Variants in MTMR6 observed in about 807,000 individuals in gnomAD.
MTMR6 encodes the protein phosphatidylinositol-3,5-bisphosphate 3-phosphatase MTMR6.
MTMR6 carries 47 observed loss-of-function variants against 80.1 expected under a neutral mutation model. That is an observed-to-expected ratio of 0.59 (90% confidence interval 0.46 to 0.75). The LOEUF is 0.75. Among genes scored for constraint, MTMR6 ranks in the 30% least tolerant of loss-of-function variants. The probability of loss-of-function intolerance (pLI) is 0.00; values close to 1 mark genes in which losing one functional copy is unlikely to be tolerated. For synonymous variants in MTMR6, 254 were observed against 253.0 expected (o/e 1.00, Z -0.04); for missense variants, 629 against 730.9 (o/e 0.86, Z 1.61).
chr13:25,251,888 T>C lies in MTMR6; in HGVS notation c.1443A>G (p.Thr481=), dbSNP rs187816844. The change falls in exon 12 of 14, where the codon ACA becomes ACG. Residue 481 remains threonine, a synonymous_variant. Transcript: ENST00000381801. The surrounding 1 kb of genome is among the most constrained non-coding windows in gnomAD (Gnocchi z 4.1). ...PLYSSESHRF[T]VLEPNTVSFN... ...AAGATACTGTATTTGGCTCCAAAAC[T>C]GTAAATCTGTGAGATTCGGAACTGT... The C allele has an allele frequency of 5.6e-4, 899 of 1,607,614 alleles. 1 individual carries two copies. Among genetic ancestry groups the C allele is most frequent in the Non-Finnish European group, 5.3e-4 (629 of 1,178,314 alleles).
At chr13:25,275,898 G>A (rs1593155995) in intron 1 of MTMR6, among the ~76,000 whole-genome samples, 1 of 127,100 alleles carries the variant, frequency 7.9e-6, no homozygotes, top group Non-Finnish European at 1.7e-5. Context: ...GAGGGGAGAG[G>A]AGGGGAGGGG....
chr13:25,254,182 A>ATT (rs1439776276), intron 10 of MTMR6, among the ~76,000 whole-genome samples: 10 of 152,338 alleles, frequency 6.6e-5, no homozygotes, highest in Middle Eastern at 3.4e-3. Context: ...GAAGGTAATA[A>ATT]ATAGTCATGA....
In MTMR6 at chr13:25,249,329, G is replaced by C; in HGVS notation, c.1769C>G (p.Pro590Arg). Residue 590 changes from proline (P) to arginine (R), a missense_variant, in exon 14 of 14, where the codon CCG (proline) becomes CGG (arginine). Pro to Arg is a moderately radical substitution (Grantham distance 103). Coordinates refer to ENST00000381801, the MANE Select transcript of MTMR6 (RefSeq NM_004685.5). Reference sequence around the variant, plus strand: ...ATATTCACTATAACGATTATCTGCCGGGCTGCTGCCCTCTATAGTTCGAAG... The same window carrying C: ...ATATTCACTATAACGATTATCTGCCCGGCTGCTGCCCTCTATAGTTCGAAG... ...DALRTIEGSS[P>R]ADNRYSEYAE... 1 of 1,614,034 alleles carries C rather than the reference G, an allele frequency of 6.2e-7. No individual in the cohort carries two copies. Among genetic ancestry groups the C allele is most frequent in the Non-Finnish European group, 8.5e-7 (1 of 1,179,954 alleles).
rs549981582 is a variant in MTMR6 at position 25,267,959 on chromosome 13, A to G, written c.142-18T>C. 6.4e-7 allele frequency: 1 copy of G among 1,562,552 alleles called. No individual in the cohort carries two copies. The highest frequency in any genetic ancestry group is 2.3e-5 in the East Asian group (1 of 43,696). On this transcript the variant is annotated intron_variant, in intron 2 of 13. Transcript: ENST00000381801. ...TGTAATATCTACAGCATGAAAAAACATCCAGGTCATCAACATGGAAAGCAC... is the reference window on the plus strand; with the variant it reads ...TGTAATATCTACAGCATGAAAAAACGTCCAGGTCATCAACATGGAAAGCAC...
chr13:25,246,771 TAA>T lies in MTMR6; in HGVS notation c.*2459_*2460del, dbSNP rs1357321631. 2.0e-5 allele frequency: 3 copies of T among 152,694 alleles called. No individual in the cohort carries two copies. The East Asian group carries it at 5.8e-4, about 29-fold the overall frequency. The allele number at this position is 152,694 out of a possible 1,614,324, so 9.5% of individuals were successfully genotyped here. A position where few individuals can be genotyped will look rare whatever the true frequency, so the allele number is the denominator to read the frequency against. ...CCGACCAAATAAATTGAATTTGTTTTAAAAGAGTTCCCTTCATCTTTACTCAA... is the reference window on the plus strand; with the variant it reads ...CCGACCAAATAAATTGAATTTGTTTTAAGAGTTCCCTTCATCTTTACTCAA... On this transcript the variant is annotated 3_prime_UTR_variant, in exon 14 of 14. Transcript: ENST00000381801.
intron 5 of MTMR6, among the ~76,000 whole-genome samples, chr13:25,262,957 A>G (rs1957372493): frequency 6.6e-6 from 1 of 152,206 alleles, no homozygotes; most frequent in Non-Finnish European, 1.5e-5. Flanking sequence ...ATAACCATTT[A>G]ACCTCTCTGT....
chr13:25,255,912 T>C (rs1957197333), intron 9 of MTMR6, among the ~76,000 whole-genome samples: 1 of 152,212 alleles, frequency 6.6e-6, no homozygotes, highest in African/African-American at 2.4e-5. Context: ...TAAAAACTTT[T>C]GTCTCATAAG....
At chr13:25,273,768 A>C (rs1339174153) in intron 2 of MTMR6, among the ~76,000 whole-genome samples, 1 of 151,928 alleles carries the variant, frequency 6.6e-6, no homozygotes, top group African/African-American at 2.4e-5. Flanking sequence ...CTCGTGATCC[A>C]CCCACCTCGG....
rs1249649403 is a variant in MTMR6 at position 25,248,339 on chromosome 13, T to G, written c.*893A>C. 3 of 152,264 alleles carry G rather than the reference T, an allele frequency of 2.0e-5. No individual in the cohort carries two copies. The East Asian group carries it at 5.8e-4, about 29-fold the overall frequency. The allele number at this position is 152,264 out of a possible 1,614,324, so 9.4% of individuals were successfully genotyped here. ...TGTTTCTCAGAACAGTTTTAGAGCT[T>G]TAGCTCTTTAAACTTACACAGTTGT... On this transcript the variant is annotated 3_prime_UTR_variant, in exon 14 of 14. Coordinates refer to ENST00000381801, the MANE Select transcript of MTMR6 (RefSeq NM_004685.5).
chr13:25,266,245 G>T lies in MTMR6; in HGVS notation c.346C>A (p.Gln116Lys). ...DLYAFSYNPKQNDSERLQGWQ... is the reference protein window; with the variant it reads ...DLYAFSYNPKKNDSERLQGWQ... The stretch of plus-strand genomic sequence containing the variant: ...CCTTGTAGTCGTTCTGAATCATTTT[G>T]TTTGGGATTATAAGAAAATGCATAG... Residue 116 changes from glutamine (Q) to lysine (K), a missense_variant, in exon 4 of 14, where the codon CAA becomes AAA. Coordinates refer to ENST00000381801, the MANE Select transcript of MTMR6 (RefSeq NM_004685.5). 1 of 1,613,394 alleles carries T rather than the reference G, an allele frequency of 6.2e-7. No individual in the cohort carries two copies. The highest frequency in any genetic ancestry group is 1.3e-5 in the African/African-American group (1 of 75,028).
At chr13:25,258,775 A>G in intron 6 of MTMR6, 83 bp from the exon 7 acceptor site, 1 of 1,259,640 alleles carries the variant, frequency 7.9e-7, no homozygotes, top group Middle Eastern at 2.9e-4. Context: ...AATAAGCAGT[A>G]TTTTAGCTAG....
At chr13:25,284,642 C>T (rs1957920613) in intron 1 of MTMR6, among the ~76,000 whole-genome samples, 1 of 152,136 alleles carries the variant, frequency 6.6e-6, no homozygotes, top group African/African-American at 2.4e-5. Context: ...CTAAAACAAT[C>T]CACTTTTGCT....
rs1441264482 is a variant in MTMR6 at position 25,287,371 on chromosome 13, T to G, written c.-124A>C. On this transcript the variant is annotated 5_prime_UTR_variant, in exon 1 of 14. Transcript: ENST00000381801. ...CACCAGCCAGCGCCGCGGGTCTGTC[T>G]GCCGGCCCCGGTGGCGTCAACGGCG... 7.5e-7 allele frequency: 1 copy of G among 1,330,870 alleles called. No individual in the cohort carries two copies. Among genetic ancestry groups the G allele is most frequent in the East Asian group, 2.5e-5 (1 of 39,654 alleles). 82.4% of individuals were successfully genotyped at this position (1,330,870 alleles called of 1,614,324 possible).
chr13:25,273,591 T>C (rs1382495546), intron 2 of MTMR6, among the ~76,000 whole-genome samples: 5 of 150,854 alleles, frequency 3.3e-5, no homozygotes, highest in Non-Finnish European at 7.4e-5. Context: ...AATGGCGCGA[T>C]CTCGGCTCAC....
In MTMR6 at chr13:25,274,170, T is replaced by C; in HGVS notation, c.42A>G (p.Leu14=). 6.2e-7 allele frequency: 1 copy of C among 1,606,496 alleles called. No individual in the cohort carries two copies. Among genetic ancestry groups the C allele is most frequent in the South Asian group, 1.1e-5 (1 of 89,672 alleles). Residue 14 remains leucine, a synonymous_variant, in exon 2 of 14, where the codon TTA becomes TTG. Coordinates refer to ENST00000381801, the MANE Select transcript of MTMR6 (RefSeq NM_004685.5). ...TGTTGCTGGTACTGAATCGGTCAAG[T>C]AATTTTACTTGTTCGACCTAAAAGA... is the stretch of plus-strand genomic sequence containing the variant. ...IRTTKVEQVK[L]LDRFSTSNKS... is the part of the protein sequence containing the mutation.
Position 25,265,994 on chromosome 13 carries a change from C to T in MTMR6, c.463-47G>A, listed in dbSNP as rs1023531032. ...TAACCATTGTATTCTTAGTTCAAAA[C>T]CACTTTAAAAACCTTTAAACCTTAT... On this transcript the variant is annotated intron_variant, in intron 4 of 13. Transcript: ENST00000381801. The T allele has an allele frequency of 7.5e-6, 12 of 1,604,512 alleles. No homozygotes were observed. The African/African-American group carries it at 1.6e-4, about 21-fold the overall frequency.
At chr13:25,267,676 A>T in intron 3 of MTMR6, 103 bp downstream of exon 3, 1 of 1,206,574 alleles carries the variant, frequency 8.3e-7, no homozygotes, top group South Asian at 1.7e-5. Context: ...CCTGACTGTC[A>T]GAGCAAAAAA....
At chr13:25,275,445 C>A (rs4272884) in intron 1 of MTMR6, among the ~76,000 whole-genome samples, 117,457 of 151,936 alleles carry the variant, frequency 0.77, 46,010 homozygotes, top group Middle Eastern at 0.85. Flanking sequence ...AACAAACAAA[C>A]AAAAGTTAAT....
intron 1 of MTMR6, among the ~76,000 whole-genome samples, chr13:25,285,388 C>CA (rs1957933430): frequency 1.1e-5 from 1 of 91,654 alleles, no homozygotes; most frequent in African/African-American, 3.5e-5. Flanking sequence ...TATTCTTTTC[C>CA]GCCCCCCCCC....
Sources: allele counts gnomAD v4.1 joint callset (sites outside exome capture counted in the v4.1 genomes callset), GRCh38; gene constraint gnomAD v4.1.1; non-coding constraint Gnocchi (gnomAD v3.1); transcripts MANE v1.5; gene names NCBI Gene and HGNC (gene_info 2026-07-23, HGNC 2026-07-21).